The following EXT1 variants were observed in gnomAD, a reference collection of about 807,000 sequenced individuals.
The protein encoded by EXT1 is exostosin glycosyltransferase 1.
A neutral mutation model predicts 82.5 loss-of-function variants in EXT1; 20 were observed. That is an observed-to-expected ratio of 0.24 (90% CI 0.17 to 0.35). The LOEUF (loss-of-function observed/expected upper bound fraction) is 0.35. Among genes scored for constraint, EXT1 ranks in the 10% least tolerant of loss-of-function variants. The pLI is 1.00. For synonymous variants in EXT1, 348 were observed against 350.8 expected, an observed-to-expected ratio of 0.99 and a Z score of 0.09; for missense variants, 757 against 936.5, an observed-to-expected ratio of 0.81 and a Z score of 2.50.
At chr8:118,068,041 T>C (rs974472958) in intron 1 of EXT1, among the ~76,000 whole-genome samples, 3 of 152,198 alleles carry the variant, frequency 2.0e-5, no homozygotes, top group African/African-American at 4.8e-5. Context: ...ACTATATATC[T>C]AGAGCTTTAG....
At chr8:118,025,471 C>T (rs938895215) in intron 1 of EXT1, among the ~76,000 whole-genome samples, 6 of 152,120 alleles carry the variant, frequency 3.9e-5, no homozygotes, top group Admixed American at 2.6e-4. Flanking sequence ...CATGCCCCAC[C>T]GGATATACCT....
At chr8:117,826,479 G>A (rs1241139838) in intron 4 of EXT1, among the ~76,000 whole-genome samples, 1 of 152,176 alleles carries the variant, frequency 6.6e-6, no homozygotes, top group Non-Finnish European at 1.5e-5. Context: ...GTGACTAAAT[G>A]AAGTATATTA....
intron 1 of EXT1, among the ~76,000 whole-genome samples, chr8:117,894,993 T>A (rs1478183248): frequency 3.3e-5 from 5 of 152,206 alleles, no homozygotes; most frequent in Admixed American, 3.3e-4. Flanking sequence ...AGATTAAGCA[T>A]CAACTGGCAA....
chr8:118,102,681 A>C (rs1586275315), intron 1 of EXT1, among the ~76,000 whole-genome samples: 1 of 152,340 alleles, frequency 6.6e-6, no homozygotes, highest in South Asian at 2.1e-4. Context: ...AGCCACATAA[A>C]CATATAGGTA....
intron 1 of EXT1, among the ~76,000 whole-genome samples, chr8:117,990,445 T>C (rs1251920951): frequency 6.6e-6 from 1 of 152,186 alleles, no homozygotes. Context: ...TGAAGCGATA[T>C]CTCGACACAT....
intron 1 of EXT1, among the ~76,000 whole-genome samples, chr8:118,024,837 G>A (rs1047470370): frequency 1.3e-5 from 2 of 152,204 alleles, no homozygotes; most frequent in African/African-American, 4.8e-5. Context: ...TCCTTGTAGA[G>A]CATGATAAAA....
rs191626492 is a variant in EXT1, at chr8:118,105,535, G to A, written c.962+4550C>T. On this transcript the variant is annotated intron_variant, in intron 1 of 10. Coordinates refer to ENST00000378204, the MANE Select transcript of EXT1 (RefSeq NM_000127.3). ...GATTCCTTGTGATTGAGGTTCTCAG[G>A]TGCTCTCCAGAAAGCAGGTTTAGAA... Among the ~76,000 whole-genome samples the A allele has an allele frequency of 2.9e-3, 440 of 152,142 alleles. 1 individual carries two copies. The highest frequency in any genetic ancestry group is 4.2e-3 in the Non-Finnish European group (285 of 68,008).
rs747800473 is a variant in EXT1, at chr8:117,819,745, G to A, written c.1467C>T (p.Pro489=). The change falls in exon 6 of 11, where the codon CCC becomes CCT. Residue 489 remains proline, a synonymous_variant. Coordinates refer to ENST00000378204, the MANE Select transcript of EXT1 (RefSeq NM_000127.3). ...KFTAVIHAVT[P]LVSQSQPVLK... ...ACACTGGCTGGGACTGAGAGACCAGGGGGGTCACCGCATGGATGACTGCAG... is the reference window on the plus strand; with the variant it reads ...ACACTGGCTGGGACTGAGAGACCAGAGGGGTCACCGCATGGATGACTGCAG... The A allele has an allele frequency of 6.2e-7, 1 of 1,613,448 alleles. No homozygotes were observed. The highest frequency in any genetic ancestry group is 1.1e-5 in the South Asian group (1 of 91,048).
rs967267723 is a variant in EXT1, at chr8:117,796,117, A to C, written c.*3595T>G. The C allele has an allele frequency of 1.3e-5, 2 of 152,178 alleles. No homozygotes were observed. The highest frequency in any genetic ancestry group is 4.8e-5 in the African/African-American group (2 of 41,446). The allele number at this position is 152,178 out of a possible 1,614,324, so 9.4% of individuals were successfully genotyped here. On this transcript the variant is annotated 3_prime_UTR_variant, in exon 11 of 11. Coordinates refer to ENST00000378204, the MANE Select transcript of EXT1 (RefSeq NM_000127.3). ...CTGGCTGCATGTTGATTATATTCAC[A>C]AGTAAGAGGCAGGAGCATTTTTATT...
At chr8:118,102,682 CAT>C (rs1372673735) in intron 1 of EXT1, among the ~76,000 whole-genome samples, 1 of 152,164 alleles carries the variant, frequency 6.6e-6, no homozygotes, top group Non-Finnish European at 1.5e-5. Context: ...GCCACATAAA[CAT>C]ATAGGTATAT....
chr8:118,027,581 A>T (rs1163800633), intron 1 of EXT1, among the ~76,000 whole-genome samples: 1 of 152,206 alleles, frequency 6.6e-6, no homozygotes, highest in African/African-American at 2.4e-5. Flanking sequence ...GAGCAAGCAG[A>T]TTACTTTTTG....
intron 4 of EXT1, among the ~76,000 whole-genome samples, chr8:117,823,393 T>C (rs1245688533): frequency 6.6e-6 from 1 of 152,100 alleles, no homozygotes; most frequent in African/African-American, 2.4e-5. Flanking sequence ...CTTTATAGCT[T>C]TCTCTCTGTG....
rs1823120445 is a variant in EXT1 at position 117,798,763 on chromosome 8, T to C, written c.*949A>G. 6.6e-6 allele frequency: 1 copy of C among 152,166 alleles called. No homozygotes were observed. Among genetic ancestry groups the C allele is most frequent in the Non-Finnish European group, 1.5e-5 (1 of 68,032 alleles). 9.4% of individuals were successfully genotyped at this position (152,166 alleles called of 1,614,324 possible). On this transcript the variant is annotated 3_prime_UTR_variant, in exon 11 of 11. Transcript: ENST00000378204. ...ATTCTCACAAACATTAAAGAGTTCA[T>C]CTTGTAAATAATCTGTTCTCCCCAA...
intron 1 of EXT1, among the ~76,000 whole-genome samples, chr8:117,919,420 G>A (rs1813813840): frequency 2.0e-5 from 3 of 151,658 alleles, no homozygotes; most frequent in African/African-American, 4.8e-5. Context: ...AAACTCCCAG[G>A]CTCAAGCAGT....
chr8:117,830,113 A>G (rs957628328), intron 4 of EXT1, 117 bp downstream of exon 4: 6 of 1,305,376 alleles, frequency 4.6e-6, no homozygotes, highest in African/African-American at 2.9e-5. Context: ...ATCCAAGTAC[A>G]GGAATCTGGT....
At chr8:117,817,506 T>C (rs925931164) in intron 7 of EXT1, among the ~76,000 whole-genome samples, 3 of 151,990 alleles carry the variant, frequency 2.0e-5, no homozygotes, top group African/African-American at 7.3e-5. Flanking sequence ...GTAAGATCTA[T>C]AAGTAACAAG....
intron 1 of EXT1, among the ~76,000 whole-genome samples, chr8:118,036,860 C>T (rs1816428791): frequency 6.6e-6 from 1 of 152,138 alleles, no homozygotes. Flanking sequence ...GCTCCCCATT[C>T]CTGGAATATC....
intron 1 of EXT1, among the ~76,000 whole-genome samples, chr8:117,995,967 T>TA (rs1252352838): frequency 6.6e-6 from 1 of 152,236 alleles, no homozygotes; most frequent in Non-Finnish European, 1.5e-5. Context: ...TGTGGCAGAT[T>TA]ATTTCCAGAT....
intron 1 of EXT1, among the ~76,000 whole-genome samples, chr8:118,087,469 G>A (rs1817443633): frequency 6.6e-6 from 1 of 152,182 alleles, no homozygotes; most frequent in Non-Finnish European, 1.5e-5. Context: ...AGTTTGATGT[G>A]TACTTTTCTG....
Sources: allele counts gnomAD v4.1 joint callset (sites outside exome capture counted in the v4.1 genomes callset), GRCh38; gene constraint gnomAD v4.1.1; transcripts MANE v1.5; gene names NCBI Gene and HGNC (gene_info 2026-07-23, HGNC 2026-07-21).